BASP1: variants seen among roughly 807,000 people sequenced by gnomAD.
The protein encoded by BASP1 is brain abundant membrane attached signal protein 1.
In BASP1, 1 loss-of-function variant was observed where a neutral mutation model predicts 2.2. That is an observed-to-expected ratio of 0.46 (90% CI 0.16 to 2.17). The LOEUF is 2.17. Among genes scored for constraint, BASP1 ranks in the 30% most tolerant of loss-of-function variants. The pLI is 0.27. For missense variants in BASP1, 352 were observed against 327.2 expected (o/e 1.08, Z -0.58); for synonymous variants, 187 against 154.2 (o/e 1.21, Z -1.58).
At chr5:17,242,169 C>T (rs1579488774) in intron 1 of BASP1, among the ~76,000 whole-genome samples, 1 of 152,204 alleles carries the variant, frequency 6.6e-6, no homozygotes, top group East Asian at 1.9e-4. Flanking sequence ...CAATTACTCT[C>T]AACCATAGTG....
chr5:17,275,356 A>G lies in BASP1; in HGVS notation c.140A>G (p.Glu47Gly). The G allele has an allele frequency of 1.3e-6, 2 of 1,597,208 alleles. No individual in the cohort carries two copies. The highest frequency in any genetic ancestry group is 1.7e-6 in the Non-Finnish European group (2 of 1,173,158). Residue 47 changes from glutamate to glycine, a missense_variant, in exon 2 of 2, where the codon GAG becomes GGG. Transcript: ENST00000322611. The surrounding 1 kb of genome is among the most constrained non-coding windows in gnomAD (Gnocchi z 5.3). ...GAGAGTGAGCCCCAGGCGGCCGCAG[A>G]GCCCGCCGAGGCCAAGGAGGGCAAG... ...PKESEPQAAA[E>G]PAEAKEGKEK...
intron 1 of BASP1, among the ~76,000 whole-genome samples, chr5:17,271,508 GAA>G (rs1450216421): frequency 1.3e-5 from 2 of 152,140 alleles, no homozygotes; most frequent in African/African-American, 4.8e-5. Flanking sequence ...TAAACACATA[GAA>G]CTGAGGTCAG....
intron 1 of BASP1, among the ~76,000 whole-genome samples, chr5:17,248,452 C>A (rs1332408789): frequency 3.9e-5 from 6 of 152,168 alleles, no homozygotes; most frequent in African/African-American, 1.4e-4. Flanking sequence ...TTATAGTGGA[C>A]TATGCTGTGT....
At position 17,275,690 on chromosome 5, in the gene BASP1, C is replaced by G. The variant is rs374321272; in HGVS notation, c.474C>G (p.Ala158=). The stretch of plus-strand genomic sequence containing the variant: ...AGACTGAGGCGCCCGCAGCTCCTGC[C>G]GCCCAGGAGACCAAAAGTGACGGGG... ...PKKTEAPAAP[A]AQETKSDGAP... is the part of the protein sequence containing the mutation. Residue 158 remains alanine, a synonymous_variant, in exon 2 of 2, where the codon GCC becomes GCG. Transcript: ENST00000322611. This position sits in a 1 kb window ranked among gnomAD's most constrained non-coding sequence, Gnocchi z 5.3. The G allele has an allele frequency of 6.3e-7, 1 of 1,589,920 alleles. No homozygotes were observed.
chr5:17,233,802 AG>A (rs1739683425), intron 1 of BASP1, among the ~76,000 whole-genome samples: 1 of 149,442 alleles, frequency 6.7e-6, no homozygotes, highest in Admixed American at 6.7e-5. Flanking sequence ...ATGATTTGCT[AG>A]TGATGGTGAT....
intron 1 of BASP1, among the ~76,000 whole-genome samples, chr5:17,257,660 C>T (rs970628897): frequency 3.9e-5 from 6 of 152,190 alleles, no homozygotes; most frequent in Non-Finnish European, 7.3e-5. Context: ...GTCTCTCATC[C>T]CCTTGCCTAT....
intron 1 of BASP1, among the ~76,000 whole-genome samples, chr5:17,258,291 AT>A (rs1214703218): frequency 2.0e-5 from 3 of 152,188 alleles, no homozygotes; most frequent in African/African-American, 7.2e-5. Flanking sequence ...CAGTAATCAC[AT>A]TGGTCTTTGG....
intron 1 of BASP1, among the ~76,000 whole-genome samples, chr5:17,241,393 C>G (rs1739860464): frequency 6.6e-6 from 1 of 152,122 alleles, no homozygotes; most frequent in Non-Finnish European, 1.5e-5. Context: ...AACCACTGCG[C>G]CTGGCCCAAA....
At chr5:17,256,612 A>C (rs1300618956) in intron 1 of BASP1, among the ~76,000 whole-genome samples, 2 of 152,244 alleles carry the variant, frequency 1.3e-5, no homozygotes, top group African/African-American at 4.8e-5. Context: ...GGAGGTTAAC[A>C]GTGGCTTGTT....
In BASP1 at chr5:17,236,133, C is replaced by T. The variant is rs1221922901; in HGVS notation, c.-10+18323C>T. Among the ~76,000 whole-genome samples the T allele has an allele frequency of 6.6e-6, 1 of 152,134 alleles. No homozygotes were observed. Among genetic ancestry groups the T allele is most frequent in the African/African-American group, 2.4e-5 (1 of 41,426 alleles). On this transcript the variant is annotated intron_variant, in intron 1 of 1. Coordinates refer to ENST00000322611, the MANE Select transcript of BASP1 (RefSeq NM_006317.5). This position sits in a 1 kb window ranked among gnomAD's most constrained non-coding sequence, Gnocchi z 4.0. ...CCAGGGAAGCCAAAAGATTGGACAC[C>T]CCCACCCTTGCGTTTAGTCTTTAAG...
In BASP1 at chr5:17,268,445, T is replaced by A. The variant is rs190045466; in HGVS notation, c.-9-6763T>A. On this transcript the variant is annotated intron_variant, in intron 1 of 1. Coordinates refer to ENST00000322611, the MANE Select transcript of BASP1 (RefSeq NM_006317.5). ...AGGAAAGTTCTGGATGAGTTGGTCA[T>A]GTCAGCAGCCAAATCATGGTTGTTT... is the stretch of plus-strand genomic sequence containing the variant. Among the ~76,000 whole-genome samples, 584 of 152,344 alleles carry A rather than the reference T, an allele frequency of 3.8e-3. 4 individuals carry two copies. Among genetic ancestry groups the A allele is most frequent in the African/African-American group, 0.013 (553 of 41,570 alleles).
intron 1 of BASP1, among the ~76,000 whole-genome samples, chr5:17,262,847 CTTCT>C (rs1740342771): frequency 6.8e-6 from 1 of 147,074 alleles, no homozygotes; most frequent in African/African-American, 2.7e-5. Flanking sequence ...AAGATCAAAT[CTTCT>C]TTTTTTTTTT....
At chr5:17,259,524 T>C (rs1354128027) in intron 1 of BASP1, among the ~76,000 whole-genome samples, 1 of 152,168 alleles carries the variant, frequency 6.6e-6, no homozygotes, top group Non-Finnish European at 1.5e-5. Context: ...GTCAAGGACA[T>C]ACATAAAGGA....
At chr5:17,245,708 CAA>C (rs886991235) in intron 1 of BASP1, among the ~76,000 whole-genome samples, 7 of 147,624 alleles carry the variant, frequency 4.7e-5, no homozygotes, top group Non-Finnish European at 9.0e-5. Flanking sequence ...TTTTAAAAAA[CAA>C]AAACTTACAG....
intron 1 of BASP1, among the ~76,000 whole-genome samples, chr5:17,240,941 G>T (rs1739850084): frequency 6.6e-6 from 1 of 152,154 alleles, no homozygotes; most frequent in Non-Finnish European, 1.5e-5. Flanking sequence ...ACTAGGCAAA[G>T]ATTTATTTTT....
In BASP1 at chr5:17,275,255, T is replaced by C. The variant is rs73756114; in HGVS notation, c.39T>C (p.Asn13=). ...GKLSKKKKGY[N]VNDEKAKEKD... ...TCAGCAAGAAGAAGAAGGGCTACAA[T>C]GTGAACGACGAGAAAGCCAAGGAGA... The change falls in exon 2 of 2, where the codon AAT becomes AAC. Residue 13 remains asparagine, a synonymous_variant. Coordinates refer to ENST00000322611, the MANE Select transcript of BASP1 (RefSeq NM_006317.5). The surrounding 1 kb of genome is among the most constrained non-coding windows in gnomAD (Gnocchi z 5.3). 2.2e-3 allele frequency: 3,526 copies of C among 1,612,252 alleles called. 70 individuals carry two copies. The African/African-American group carries it at 0.041, about 19-fold the overall frequency.
chr5:17,241,666 C>T (rs1376037991), intron 1 of BASP1, among the ~76,000 whole-genome samples: 1 of 152,076 alleles, frequency 6.6e-6, no homozygotes, highest in African/African-American at 2.4e-5. Context: ...TGGGAGTGAA[C>T]GAGGCCCTGA....
At chr5:17,234,121 A>T (rs895073563) in intron 1 of BASP1, among the ~76,000 whole-genome samples, 2 of 152,146 alleles carry the variant, frequency 1.3e-5, no homozygotes, top group African/African-American at 4.8e-5. Context: ...ACAGAGTGAG[A>T]CTCAGTCTCA....
At chr5:17,242,578 C>T (rs1383341620) in intron 1 of BASP1, among the ~76,000 whole-genome samples, 3 of 152,250 alleles carry the variant, frequency 2.0e-5, no homozygotes, top group South Asian at 4.1e-4. Flanking sequence ...TATAATGACA[C>T]GTATCTCCAA....
Sources: gnomAD v4.1 joint callset for allele counts (sites outside exome capture counted in the v4.1 genomes callset) on GRCh38, gnomAD v4.1.1 for gene constraint, Gnocchi (gnomAD v3.1) non-coding constraint, MANE v1.5 for transcripts, NCBI Gene and HGNC (gene_info 2026-07-23, HGNC 2026-07-21) for gene names.